FUT8: variants seen among roughly 807,000 people sequenced by gnomAD.
FUT8 encodes alpha-(1,6)-fucosyltransferase.
Under a neutral mutation model 71.3 loss-of-function variants are expected in FUT8, and 29 were observed. The ratio of observed to expected loss-of-function variants is 0.41; its 90% CI spans 0.30 to 0.55. The LOEUF (loss-of-function observed/expected upper bound fraction) is 0.55. Ranked by LOEUF, FUT8 falls within the 20% of genes least tolerant of loss-of-function variation. FUT8 has a pLI of 0.34. For missense variants in FUT8, 544 were observed against 702.1 expected (o/e 0.77, Z 2.55); for synonymous variants, 254 against 239.3 (o/e 1.06, Z -0.57).
intron 2 of FUT8, among the ~76,000 whole-genome samples, chr14:65,531,174 C>T (rs765056763): frequency 2.0e-5 from 3 of 151,262 alleles, no homozygotes; most frequent in East Asian, 3.9e-4. Context: ...AAAAAAAGGA[C>T]GTTTAAAAAT....
the FUT8 span, among the ~76,000 whole-genome samples, chr14:65,371,855 A>T: frequency 6.6e-6 from 1 of 152,200 alleles, no homozygotes; most frequent in Non-Finnish European, 1.5e-5. Context: ...GCTTGTTACT[A>T]TTGAGGCATC....
At chr14:65,424,085 C>T (rs1401823103) in intron 1 of FUT8, among the ~76,000 whole-genome samples, 2 of 152,168 alleles carry the variant, frequency 1.3e-5, no homozygotes, top group Non-Finnish European at 2.9e-5. Flanking sequence ...ACTAGTGGCA[C>T]TTAGGTGTCA....
chr14:65,494,955 C>T (rs1289259148), intron 2 of FUT8, among the ~76,000 whole-genome samples: 5 of 151,936 alleles, frequency 3.3e-5, no homozygotes, highest in Admixed American at 6.6e-5. Flanking sequence ...TTTCTGCTAT[C>T]GTAGTTCTGG....
At chr14:65,439,676 C>A (rs1014908115) in intron 1 of FUT8, among the ~76,000 whole-genome samples, 8 of 151,696 alleles carry the variant, frequency 5.3e-5, no homozygotes, top group African/African-American at 1.9e-4. Flanking sequence ...AAAGAAACTA[C>A]AAGTTTTTTC....
chr14:65,613,004 AT>A (rs1026782587), intron 3 of FUT8, among the ~76,000 whole-genome samples: 106 of 145,222 alleles, frequency 7.3e-4, no homozygotes, highest in African/African-American at 1.6e-3. Flanking sequence ...GTTCTCCTGT[AT>A]TTTTTTTTTA....
chr14:65,396,538 ACAGGGGAAAC>A, the FUT8 span, among the ~76,000 whole-genome samples: 2 of 152,250 alleles, frequency 1.3e-5, no homozygotes, highest in African/African-American at 2.4e-5. This position sits in a 1 kb window ranked among gnomAD's most constrained non-coding sequence, Gnocchi z 5.5. Context: ...CAAGAACAGT[ACAGGGGAAAC>A]CACCTTCATG....
chr14:65,721,950 C>T lies in FUT8; in HGVS notation c.1011C>T (p.Arg337=), dbSNP rs1337543066. 6.2e-7 allele frequency: 1 copy of T among 1,614,048 alleles called. No homozygotes were observed. The highest frequency in any genetic ancestry group is 8.5e-7 in the Non-Finnish European group (1 of 1,180,044). ...WVSQFVKYLI[R]PQPWLEKEIE... Reference sequence around the variant, plus strand: ...CTCAGTTTGTCAAATACTTGATCCGCCCACAGCCTTGGCTAGAAAAAGAAA... The same window carrying T: ...CTCAGTTTGTCAAATACTTGATCCGTCCACAGCCTTGGCTAGAAAAAGAAA... The change falls in exon 8 of 11, where the codon CGC becomes CGT. Residue 337 remains arginine (R), a synonymous_variant. Transcript: ENST00000673929.
intron 5 of FUT8, among the ~76,000 whole-genome samples, chr14:65,620,177 TA>T (rs1381079561): frequency 4.6e-5 from 7 of 152,150 alleles, no homozygotes; most frequent in African/African-American, 1.4e-4. Flanking sequence ...TTTATTTTAT[TA>T]TTTTTTTTAC....
At chr14:65,672,042 A>G (rs1407627247) in intron 7 of FUT8, among the ~76,000 whole-genome samples, 2 of 152,216 alleles carry the variant, frequency 1.3e-5, no homozygotes, top group African/African-American at 4.8e-5. Context: ...AAGTCTGTCC[A>G]CCAGTGCAGG....
chr14:65,589,202 G>A (rs969923666), intron 3 of FUT8, among the ~76,000 whole-genome samples: 1 of 152,118 alleles, frequency 6.6e-6, no homozygotes, highest in African/African-American at 2.4e-5. Flanking sequence ...ATTTATTTAT[G>A]ATGAAATATT....
chr14:65,396,993 A>C, the FUT8 span, among the ~76,000 whole-genome samples: 6 of 152,308 alleles, frequency 3.9e-5, no homozygotes. This position sits in a 1 kb window ranked among gnomAD's most constrained non-coding sequence, Gnocchi z 5.5. Flanking sequence ...CTACAGGCCC[A>C]TGCCACCAGG....
intron 3 of FUT8, among the ~76,000 whole-genome samples, chr14:65,572,545 C>T (rs1305474108): frequency 2.0e-5 from 3 of 151,914 alleles, no homozygotes; most frequent in Non-Finnish European, 4.4e-5. Context: ...GCTTTTTCCA[C>T]AGAAAATGTG....
At chr14:65,580,868 A>T (rs1887053827) in intron 3 of FUT8, among the ~76,000 whole-genome samples, 1 of 152,116 alleles carries the variant, frequency 6.6e-6, no homozygotes, top group Non-Finnish European at 1.5e-5. Flanking sequence ...CCCTAGACAC[A>T]GTGTGGATTG....
At position 65,607,686 on chromosome 14, in the gene FUT8, A is replaced by G. The variant is rs575923953; in HGVS notation, c.204-8292A>G. On this transcript the variant is annotated intron_variant, in intron 3 of 10. Transcript: ENST00000673929. The surrounding 1 kb of genome is among the most constrained non-coding windows in gnomAD (Gnocchi z 4.1). Reference sequence around the variant, plus strand: ...TATCAATCTTATACTAATCTCAGGAATGGAATTTTAGAATTTCCTCTCTTT... The same window carrying G: ...TATCAATCTTATACTAATCTCAGGAGTGGAATTTTAGAATTTCCTCTCTTT... 8.6e-5 allele frequency among the ~76,000 whole-genome samples: 13 copies of G among 151,978 alleles called. No individual in the cohort carries two copies. Among genetic ancestry groups the G allele is most frequent in the South Asian group, 4.2e-4 (2 of 4,794 alleles).
At chr14:65,604,485 C>G (rs1446511038) in intron 3 of FUT8, among the ~76,000 whole-genome samples, 1 of 151,900 alleles carries the variant, frequency 6.6e-6, no homozygotes, top group Non-Finnish European at 1.5e-5. Flanking sequence ...AATTAAATAA[C>G]CTGCTCCTGA....
chr14:65,545,512 C>T (rs1368781569), intron 2 of FUT8, among the ~76,000 whole-genome samples: 3 of 151,752 alleles, frequency 2.0e-5, no homozygotes, highest in Admixed American at 1.3e-4. Flanking sequence ...CAATCTGTTA[C>T]CTTGTAACAG....
intron 7 of FUT8, among the ~76,000 whole-genome samples, chr14:65,715,418 G>C (rs1895004670): frequency 6.6e-6 from 1 of 152,036 alleles, no homozygotes. Flanking sequence ...TGCATCTCTG[G>C]GATAAATCCC....
At chr14:65,653,730 A>G (rs1430067483) in intron 6 of FUT8, among the ~76,000 whole-genome samples, 1 of 152,196 alleles carries the variant, frequency 6.6e-6, no homozygotes, top group Non-Finnish European at 1.5e-5. Context: ...TTGAGCCAAC[A>G]TCTTGCTATT....
chr14:65,599,447 G>T (rs1165156985), intron 3 of FUT8, among the ~76,000 whole-genome samples: 2 of 152,130 alleles, frequency 1.3e-5, no homozygotes, highest in East Asian at 1.9e-4. Flanking sequence ...TTATTTCTTG[G>T]TTTGGTTATG....
Sources: gnomAD v4.1 joint callset for allele counts (sites outside exome capture counted in the v4.1 genomes callset) on GRCh38, gnomAD v4.1.1 for gene constraint, Gnocchi (gnomAD v3.1) non-coding constraint, MANE v1.5 for transcripts, NCBI Gene and HGNC (gene_info 2026-07-23, HGNC 2026-07-21) for gene names.